Variants in AGBL4 observed in about 807,000 individuals in gnomAD.
The protein encoded by AGBL4 is cytosolic carboxypeptidase 6.
A neutral mutation model predicts 66.4 loss-of-function variants in AGBL4; 58 were observed. That is an observed-to-expected ratio of 0.87 (90% CI 0.71 to 1.09). The LOEUF is 1.09. Among genes scored for constraint, AGBL4 ranks in the 50% least tolerant of loss-of-function variants. The pLI is 0.00. For synonymous variants in AGBL4, 234 were observed against 222.9 expected (o/e 1.05, Z -0.44); for missense variants, 579 against 631.0 (o/e 0.92, Z 0.88).
chr1:48,858,135 A>C (rs551266853), intron 6 of AGBL4, among the ~76,000 whole-genome samples: 4 of 152,192 alleles, frequency 2.6e-5, no homozygotes, highest in Non-Finnish European at 5.9e-5. Context: ...ATGAGATACC[A>C]CTTTACACCC....
intron 4 of AGBL4, among the ~76,000 whole-genome samples, chr1:49,106,418 A>G (rs559464037): frequency 6.6e-6 from 1 of 151,944 alleles, no homozygotes; most frequent in South Asian, 2.1e-4. Flanking sequence ...GGGTGTTATC[A>G]TATGTTTGTC....
intron 6 of AGBL4, among the ~76,000 whole-genome samples, chr1:48,667,224 T>G (rs544885010): frequency 6.6e-6 from 1 of 152,214 alleles, no homozygotes; most frequent in Non-Finnish European, 1.5e-5. Context: ...TGAAATACTA[T>G]AGAAGTGATG....
chr1:49,637,252 C>T (rs1428798612), intron 3 of AGBL4, among the ~76,000 whole-genome samples: 1 of 152,010 alleles, frequency 6.6e-6, no homozygotes, highest in Non-Finnish European at 1.5e-5. Context: ...CTTTAAAGAA[C>T]CCTGACTAAT....
At chr1:49,515,228 G>A (rs1220474972) in intron 3 of AGBL4, among the ~76,000 whole-genome samples, 5 of 151,998 alleles carry the variant, frequency 3.3e-5, no homozygotes, top group Non-Finnish European at 7.4e-5. Context: ...GTGGGCAAAG[G>A]ATATGAACAG....
intron 6 of AGBL4, among the ~76,000 whole-genome samples, chr1:48,815,082 TA>T (rs762812316): frequency 4.6e-5 from 7 of 152,318 alleles, no homozygotes; most frequent in Non-Finnish European, 1.0e-4. Flanking sequence ...GTCTTCTCAA[TA>T]ATAGCCACCC....
chr1:49,877,953 G>A (rs1311103854), intron 1 of AGBL4, among the ~76,000 whole-genome samples: 2 of 152,256 alleles, frequency 1.3e-5, no homozygotes, highest in East Asian at 1.9e-4. Context: ...GTGTAGAGGT[G>A]TTTGTAGTAT....
chr1:49,966,366 A>C (rs1437178920), intron 1 of AGBL4, among the ~76,000 whole-genome samples: 1 of 152,192 alleles, frequency 6.6e-6, no homozygotes, highest in Non-Finnish European at 1.5e-5. Flanking sequence ...ATGTAACTTA[A>C]GTACATTGCA....
At chr1:50,012,652 A>G (rs1661637603) in intron 1 of AGBL4, among the ~76,000 whole-genome samples, 2 of 152,210 alleles carry the variant, frequency 1.3e-5, no homozygotes, top group Admixed American at 1.3e-4. Flanking sequence ...CAAAATATGT[A>G]TATGTTCAGA....
intron 4 of AGBL4, among the ~76,000 whole-genome samples, chr1:49,068,394 C>A (rs1182491218): frequency 4.0e-5 from 6 of 151,038 alleles, no homozygotes; most frequent in Admixed American, 3.3e-4. Context: ...CCCCACCCCC[C>A]AACAGGCCCC....
At chr1:48,719,478 T>C (rs927896779) in intron 6 of AGBL4, among the ~76,000 whole-genome samples, 2 of 152,206 alleles carry the variant, frequency 1.3e-5, no homozygotes, top group Admixed American at 1.3e-4. Context: ...ACCATTCTGA[T>C]GCCAGCATCA....
At chr1:49,738,978 A>C (rs1246204113) in intron 2 of AGBL4, among the ~76,000 whole-genome samples, 1 of 152,222 alleles carries the variant, frequency 6.6e-6, no homozygotes, top group Non-Finnish European at 1.5e-5. Flanking sequence ...AAAAACTAAA[A>C]AGTCTGAAAA....
chr1:49,009,947 C>T lies in AGBL4; in HGVS notation c.594+35637G>A, dbSNP rs1020499430. On this transcript the variant is annotated intron_variant, in intron 5 of 13. Transcript: ENST00000371839. ...ATACTGAATGGGCAAAAACTGGAAG[C>T]ATTCCCTTTGAAAACTGGCACAAGA... is the stretch of plus-strand genomic sequence containing the variant. 1.1e-4 allele frequency among the ~76,000 whole-genome samples: 16 copies of T among 151,906 alleles called. 1 individual carries two copies. Among genetic ancestry groups the T allele is most frequent in the African/African-American group, 3.6e-4 (15 of 41,454 alleles).
At chr1:49,983,583 C>T (rs1442225754) in intron 1 of AGBL4, among the ~76,000 whole-genome samples, 2 of 152,266 alleles carry the variant, frequency 1.3e-5, no homozygotes, top group East Asian at 1.9e-4. Context: ...GCCAAAAAAA[C>T]TCAGGCAAAG....
At chr1:49,000,058 T>A (rs1170550165) in intron 5 of AGBL4, among the ~76,000 whole-genome samples, 3 of 152,186 alleles carry the variant, frequency 2.0e-5, no homozygotes, top group African/African-American at 7.2e-5. Flanking sequence ...TTTATTACTA[T>A]CCCTTACTAT....
chr1:48,750,011 G>A (rs1651424846), intron 6 of AGBL4, among the ~76,000 whole-genome samples: 1 of 152,134 alleles, frequency 6.6e-6, no homozygotes, highest in African/African-American at 2.4e-5. Context: ...AGTGCCTGAG[G>A]GTAGGAGTTA....
At chr1:49,634,751 C>T (rs1645638606) in intron 3 of AGBL4, among the ~76,000 whole-genome samples, 1 of 152,144 alleles carries the variant, frequency 6.6e-6, no homozygotes, top group African/African-American at 2.4e-5. Flanking sequence ...TTAATGATTG[C>T]CATTCTAACC....
chr1:48,903,392 G>A (rs2148871748), intron 5 of AGBL4, among the ~76,000 whole-genome samples: 1 of 152,342 alleles, frequency 6.6e-6, no homozygotes, highest in South Asian at 2.1e-4. Context: ...TGCTTCCTAT[G>A]TGTAATGTTG....
intron 5 of AGBL4, among the ~76,000 whole-genome samples, chr1:48,920,298 T>C (rs1016829781): frequency 1.3e-5 from 2 of 152,200 alleles, no homozygotes; most frequent in African/African-American, 4.8e-5. Context: ...TCACCAGTGA[T>C]CCATAAATTC....
At chr1:49,834,318 T>C (rs2148023777) in intron 2 of AGBL4, among the ~76,000 whole-genome samples, 1 of 152,312 alleles carries the variant, frequency 6.6e-6, no homozygotes, top group African/African-American at 2.4e-5. Flanking sequence ...TGGGAGGGTG[T>C]ATGTGTCCAG....
Sources: allele counts gnomAD v4.1 joint callset (sites outside exome capture counted in the v4.1 genomes callset), GRCh38; gene constraint gnomAD v4.1.1; transcripts MANE v1.5; gene names NCBI Gene and HGNC (gene_info 2026-07-23, HGNC 2026-07-21).